Variants in MECOM observed in about 807,000 individuals in gnomAD.
MECOM encodes the protein MDS1 and EVI1 complex locus.
A neutral mutation model predicts 116.3 loss-of-function variants in MECOM; 13 were observed. That is an observed-to-expected ratio of 0.11 (90% confidence interval 0.07 to 0.18). MECOM has a LOEUF of 0.18. MECOM is among the 10% of genes least tolerant of loss of function. The pLI is 1.00. For missense variants in MECOM, 1,299 were observed against 1,509.0 expected, an observed-to-expected ratio of 0.86 and a Z score of 2.31; for synonymous variants, 528 against 535.2, an observed-to-expected ratio of 0.99 and a Z score of 0.19.
intron 2 of MECOM, among the ~76,000 whole-genome samples, chr3:169,338,006 A>G (rs1360756133): frequency 3.9e-5 from 6 of 152,218 alleles, no homozygotes; most frequent in Non-Finnish European, 8.8e-5. Flanking sequence ...TATCAAGAAT[A>G]CAAGAGAATT....
At chr3:169,634,573 TTC>T (rs1307777540) in intron 1 of MECOM, among the ~76,000 whole-genome samples, 2 of 152,138 alleles carry the variant, frequency 1.3e-5, no homozygotes, top group Non-Finnish European at 1.5e-5. Context: ...GTCAACCTTT[TTC>T]TCTCTCTCAA....
intron 1 of MECOM, among the ~76,000 whole-genome samples, chr3:169,485,603 G>A (rs558853916): frequency 6.6e-6 from 1 of 152,010 alleles, no homozygotes; most frequent in East Asian, 1.9e-4. Flanking sequence ...TAAAAAGAGG[G>A]AAATCAAAGC....
chr3:169,591,511 G>A (rs1176451410), intron 1 of MECOM, among the ~76,000 whole-genome samples: 1 of 152,128 alleles, frequency 6.6e-6, no homozygotes, highest in Non-Finnish European at 1.5e-5. Context: ...TTTCTCTTTG[G>A]TTTTTTGCTC....
rs540756845 is a variant in MECOM, at chr3:169,168,531, G to C, written c.376-24699C>G. ...GATTTGTTAATATCAATTGCATAAT[G>C]ATTAGTTATGGGCAAATCAAAAAGT... On this transcript the variant is annotated intron_variant, in intron 2 of 16. Coordinates refer to ENST00000651503, the MANE Select transcript of MECOM (RefSeq NM_004991.4). Among the ~76,000 whole-genome samples, 19 of 152,148 alleles carry C rather than the reference G, an allele frequency of 1.2e-4. No individual in the cohort carries two copies. In the South Asian group the frequency reaches 3.9e-3, roughly 32 times the overall value.
intron 1 of MECOM, among the ~76,000 whole-genome samples, chr3:169,465,473 C>G (rs935925377): frequency 6.6e-6 from 1 of 152,148 alleles, no homozygotes; most frequent in Admixed American, 6.6e-5. Flanking sequence ...ACCTTAAAGA[C>G]AGCCATTGAT....
chr3:169,575,355 G>T (rs1018405950), intron 1 of MECOM, among the ~76,000 whole-genome samples: 7 of 152,096 alleles, frequency 4.6e-5, no homozygotes, highest in Non-Finnish European at 1.0e-4. Context: ...TGTGCCCTGC[G>T]GGGGTAGAAA....
At chr3:169,478,294 T>G (rs1750781710) in intron 1 of MECOM, among the ~76,000 whole-genome samples, 2 of 152,218 alleles carry the variant, frequency 1.3e-5, no homozygotes, top group African/African-American at 4.8e-5. Flanking sequence ...AGAAGAATGA[T>G]ATTGTCAAGG....
At position 169,084,496 on chromosome 3, in the gene MECOM, T is replaced by A. The variant is rs1717044911; in HGVS notation, c.*413A>T. 4.2e-6 allele frequency: 1 copy of A among 237,638 alleles called. No individual in the cohort carries two copies. The highest frequency in any genetic ancestry group is 1.8e-4 in the South Asian group (1 of 5,610). 14.7% of individuals were successfully genotyped at this position (237,638 alleles called of 1,614,324 possible). ...TGTAATTAAAAGCAACTGTTCCCAA[T>A]CATGTCAGGTGATCTTGTACAAAAG... On this transcript the variant is annotated 3_prime_UTR_variant, in exon 17 of 17. Transcript: ENST00000651503.
chr3:169,183,015 C>G (rs780177836), intron 2 of MECOM, among the ~76,000 whole-genome samples: 9 of 152,104 alleles, frequency 5.9e-5, no homozygotes, highest in African/African-American at 2.2e-4. Context: ...AGGCTTTGTG[C>G]GAGTTAATTA....
intron 1 of MECOM, among the ~76,000 whole-genome samples, chr3:169,494,579 T>G (rs7638569): frequency 0.82 from 124,304 of 152,144 alleles, 52,498 homozygotes; most frequent in South Asian, 0.94. Context: ...AAACACCCCA[T>G]TGAATACACT....
intron 1 of MECOM, among the ~76,000 whole-genome samples, chr3:169,662,651 C>G (rs1044728218): frequency 4.0e-5 from 6 of 151,198 alleles, no homozygotes; most frequent in Non-Finnish European, 8.9e-5. Context: ...CGCGCAGCGC[C>G]GCGCCGGAGA....
chr3:169,662,232 C>T (rs921679325), intron 1 of MECOM, among the ~76,000 whole-genome samples: 1 of 152,222 alleles, frequency 6.6e-6, no homozygotes, highest in Non-Finnish European at 1.5e-5. Flanking sequence ...CGCTCCGCGC[C>T]GGGCAGGCAG....
intron 1 of MECOM, among the ~76,000 whole-genome samples, chr3:169,432,866 A>G (rs764867689): frequency 6.6e-6 from 1 of 152,234 alleles, no homozygotes; most frequent in Non-Finnish European, 1.5e-5. Context: ...ATTCTGCTCC[A>G]GCTGCAACTA....
chr3:169,112,965 G>A, intron 8 of MECOM, 91 bp from the exon 9 acceptor site: 1 of 913,640 alleles, frequency 1.1e-6, no homozygotes, highest in South Asian at 1.5e-5. Context: ...TAACAATAAA[G>A]TCAATGGTAG....
chr3:169,130,367 A>G (rs1449386465), intron 4 of MECOM, among the ~76,000 whole-genome samples: 1 of 152,150 alleles, frequency 6.6e-6, no homozygotes, highest in Non-Finnish European at 1.5e-5. Context: ...TTCAGGCTCA[A>G]ACTCTACCAG....
intron 1 of MECOM, among the ~76,000 whole-genome samples, chr3:169,655,772 T>C (rs895177436): frequency 6.6e-6 from 1 of 152,084 alleles, no homozygotes; most frequent in Non-Finnish European, 1.5e-5. Flanking sequence ...GATAAAAACA[T>C]TAAACAGGAG....
chr3:169,354,358 T>A (rs1037780119), intron 2 of MECOM, among the ~76,000 whole-genome samples: 1 of 151,872 alleles, frequency 6.6e-6, no homozygotes, highest in Admixed American at 6.6e-5. Context: ...TTCTCTTTAT[T>A]CCAAAAAACT....
At chr3:169,260,788 A>T (rs1266187526) in intron 2 of MECOM, among the ~76,000 whole-genome samples, 1 of 152,234 alleles carries the variant, frequency 6.6e-6, no homozygotes, top group African/African-American at 2.4e-5. Flanking sequence ...ATAAAACAGG[A>T]TAAATATTTA....
intron 2 of MECOM, among the ~76,000 whole-genome samples, chr3:169,194,706 A>G: frequency 6.6e-6 from 1 of 152,076 alleles, no homozygotes; most frequent in Non-Finnish European, 1.5e-5. Flanking sequence ...TGAAATCACC[A>G]GGAGTCCTAG....
Sources: allele counts gnomAD v4.1 joint callset (sites outside exome capture counted in the v4.1 genomes callset), GRCh38; gene constraint gnomAD v4.1.1; transcripts MANE v1.5; gene names NCBI Gene and HGNC (gene_info 2026-07-23, HGNC 2026-07-21).